The following PRDX5 variants were observed in gnomAD, a reference collection of about 807,000 sequenced individuals.
The protein encoded by PRDX5 is peroxiredoxin-5, mitochondrial.
A neutral mutation model predicts 23.8 loss-of-function variants in PRDX5; 21 were observed. The observed-to-expected ratio is 0.88, with a 90% CI of 0.63 to 1.27. PRDX5 has a LOEUF of 1.27. Ranked by LOEUF, PRDX5 falls within the 50% of genes most tolerant of loss-of-function variation. The pLI, the probability that PRDX5 is intolerant of heterozygous loss-of-function variation, is 0.00. For missense variants in PRDX5, 261 were observed against 270.6 expected (o/e 0.96, Z 0.25); for synonymous variants, 111 against 113.3 (o/e 0.98, Z 0.13).
At position 64,321,769 on chromosome 11, in the gene PRDX5, T is replaced by C; in HGVS notation, c.*78T>C. 1 of 1,458,972 alleles carries C rather than the reference T, an allele frequency of 6.9e-7. No homozygotes were observed. Among genetic ancestry groups the C allele is most frequent in the African/African-American group, 1.4e-5 (1 of 70,156 alleles). 90.4% of individuals were successfully genotyped at this position (1,458,972 alleles called of 1,614,324 possible). A position where few individuals can be genotyped will look rare whatever the true frequency, so the allele number is the denominator to read the frequency against. On this transcript the variant is annotated 3_prime_UTR_variant, in exon 6 of 6. Coordinates refer to ENST00000265462, the MANE Select transcript of PRDX5 (RefSeq NM_012094.5). ...CTGTGCTGGGGCCCTGCAATTGGAATGTTGGCCAGATTTCTGCAATAAACA... is the reference window on the plus strand; with the variant it reads ...CTGTGCTGGGGCCCTGCAATTGGAACGTTGGCCAGATTTCTGCAATAAACA...
In PRDX5 at chr11:64,321,744, C is replaced by G. The variant is rs1047206; in HGVS notation, c.*53C>G. ...CCCTCCCTATCTCACCTGCCCAGCC[C>G]TGTGCTGGGGCCCTGCAATTGGAAT... On this transcript the variant is annotated 3_prime_UTR_variant, in exon 6 of 6. Coordinates refer to ENST00000265462, the MANE Select transcript of PRDX5 (RefSeq NM_012094.5). 225,131 of 1,515,182 alleles carry G rather than the reference C, an allele frequency of 0.15. 17,688 individuals are homozygous for G. Among genetic ancestry groups the G allele is most frequent in the Middle Eastern group, 0.17 (723 of 4,198 alleles). 93.9% of individuals were successfully genotyped at this position (1,515,182 alleles called of 1,614,324 possible).
In PRDX5 at chr11:64,320,006, G is replaced by A. The variant is rs970845734; in HGVS notation, c.306+138G>A. ...CAAGTAGAGCTGGGTAGAGCTGGGC[G>A]CGGTGGCTCACGCCTGTAATCCCAG... On this transcript the variant is annotated intron_variant, in intron 2 of 5. Coordinates refer to ENST00000265462, the MANE Select transcript of PRDX5 (RefSeq NM_012094.5). The A allele has an allele frequency of 3.4e-5, 44 of 1,294,544 alleles. No homozygotes were observed. In the African/African-American group the frequency reaches 5.7e-4, roughly 17 times the overall value. 80.2% of individuals were successfully genotyped at this position (1,294,544 alleles called of 1,614,324 possible).
In PRDX5 at chr11:64,320,642, C is replaced by T; in HGVS notation, c.307-19C>T. 1 of 1,570,748 alleles carries T rather than the reference C, an allele frequency of 6.4e-7. No homozygotes were observed. Among genetic ancestry groups the T allele is most frequent in the South Asian group, 1.2e-5 (1 of 84,870 alleles). ...AGATGCAGTTATCCCTTTGCCGACC[C>T]TTTGTTCCCCTTCCTCAGACACACC... On this transcript the variant is annotated intron_variant, in intron 2 of 5. Transcript: ENST00000265462.
Position 64,321,108 on chromosome 11 carries a change from GGA to G in PRDX5, c.539+46_539+47del, listed in dbSNP as rs761557641. 10 of 1,560,476 alleles carry G rather than the reference GGA, an allele frequency of 6.4e-6. No homozygotes were observed. The Admixed American group carries it at 1.0e-4, about 16-fold the overall frequency. On this transcript the variant is annotated intron_variant, in intron 5 of 5. Transcript: ENST00000265462. ...TCCTCTGTGGAGAGAGTCCTCTGTGGGAGAGAGTCCTCTGTGGGAGAGAGTCC... is the reference window on the plus strand; with the variant it reads ...TCCTCTGTGGAGAGAGTCCTCTGTGGGAGAGTCCTCTGTGGGAGAGAGTCC...
Position 64,319,865 on chromosome 11 carries a change from C to T in PRDX5, c.303C>T (p.Ser101=), listed in dbSNP as rs760330112. 1 of 1,613,960 alleles carries T rather than the reference C, an allele frequency of 6.2e-7. No homozygotes were observed. The highest frequency in any genetic ancestry group is 8.5e-7 in the Non-Finnish European group (1 of 1,179,908). ...CTGGGGCCTTCACCCCTGGATGTTC[C>T]AAGGTGAGGCCCTTCCCCTTCTGAA... ...GVPGAFTPGC[S]KTHLPGFVEQ... is the part of the protein sequence containing the mutation. Residue 101 remains serine (S), a synonymous_variant, in exon 2 of 6, where the codon TCC becomes TCT. Coordinates refer to ENST00000265462, the MANE Select transcript of PRDX5 (RefSeq NM_012094.5).
chr11:64,318,179 A>C lies in PRDX5; in HGVS notation c.-37A>C. ...GTGCCCCGCCTGCTGCGGTGGCACC[A>C]GCCAGGAGGCGGAGTGGAAGTGGCC... On this transcript the variant is annotated 5_prime_UTR_variant, in exon 1 of 6. Transcript: ENST00000265462. The C allele has an allele frequency of 6.2e-7, 1 of 1,609,130 alleles. No individual in the cohort carries two copies. Among genetic ancestry groups the C allele is most frequent in the Middle Eastern group, 2.3e-4 (1 of 4,422 alleles).
chr11:64,318,883 A>C (rs1361274633), intron 1 of PRDX5, among the ~76,000 whole-genome samples: 1 of 115,644 alleles, frequency 8.6e-6, no homozygotes, highest in Non-Finnish European at 1.6e-5. Context: ...TGCTAGGATT[A>C]CAGGTGTGAG....
intron 1 of PRDX5, 32 bp downstream of exon 1, chr11:64,318,418 C>T (rs529087378): frequency 4.4e-6 from 7 of 1,579,644 alleles, no homozygotes; most frequent in African/African-American, 1.4e-5. Context: ...CCTGACATCC[C>T]CCACTACCCC....
At chr11:64,319,711 T>C (rs926611780) in intron 1 of PRDX5, 23 bp from the exon 2 acceptor site, 27 of 1,608,804 alleles carry the variant, frequency 1.7e-5, no homozygotes, top group Admixed American at 3.4e-5. Flanking sequence ...TCACCCCCCT[T>C]ACCCTGGAGT....
In PRDX5 at chr11:64,321,077, G is replaced by GGAGTGGAGAGAGTCCTCTGTGGGA. The variant is rs2035484099; in HGVS notation, c.539+12_539+13insTGGAGAGAGTCCTCTGTGGGAGAG. ...AATCGACGTCTCAAGAGGTAAAAGT[G>GGAGTGGAGAGAGTCCTCTGTGGGA]GAGAGTCCTCTGTGGAGAGAGTCCT... is the stretch of plus-strand genomic sequence containing the variant. On this transcript the variant is annotated intron_variant, in intron 5 of 5. Transcript: ENST00000265462. 1.2e-6 allele frequency: 2 copies of GGAGTGGAGAGAGTCCTCTGTGGGA among 1,611,608 alleles called. No individual in the cohort carries two copies. Among genetic ancestry groups the GGAGTGGAGAGAGTCCTCTGTGGGA allele is most frequent in the Non-Finnish European group, 1.7e-6 (2 of 1,178,582 alleles).
intron 1 of PRDX5, among the ~76,000 whole-genome samples, chr11:64,318,609 GTTT>G (rs926670734): frequency 6.6e-6 from 1 of 150,850 alleles, no homozygotes; most frequent in African/African-American, 2.4e-5. Flanking sequence ...TTTGTTTTTT[GTTT>G]TTTTTTGAGA....
rs371507976 is a variant in PRDX5, at chr11:64,318,264, C to A, written c.49C>A (p.Leu17Ile). 165 of 1,612,300 alleles carry A rather than the reference C, an allele frequency of 1.0e-4. No individual in the cohort carries two copies. The highest frequency in any genetic ancestry group is 1.2e-4 in the Non-Finnish European group (145 of 1,179,930). ...CALRRSAGYI[L>I]VGGAGGQSAA... Reference sequence around the variant, plus strand: ...CCTGAGACGCTCAGCGGGCTATATACTCGTCGGTGGGGCCGGCGGTCAGTC... The same window carrying A: ...CCTGAGACGCTCAGCGGGCTATATAATCGTCGGTGGGGCCGGCGGTCAGTC... The change falls in exon 1 of 6, where the codon CTC becomes ATC. Residue 17 changes from leucine (L) to isoleucine (I), a missense_variant. Leu to Ile is a conservative substitution (Grantham distance 5). Transcript: ENST00000265462.
chr11:64,320,056 G>C (rs181562505), intron 2 of PRDX5, among the ~76,000 whole-genome samples, 188 bp downstream of exon 2: 2 of 152,152 alleles, frequency 1.3e-5, no homozygotes, highest in African/African-American at 4.8e-5. Flanking sequence ...AAGGCGGGTG[G>C]ATCACGAGGT....
intron 1 of PRDX5, 117 bp from the exon 2 acceptor site, chr11:64,319,617 C>G (rs562700101): frequency 7.6e-6 from 10 of 1,323,558 alleles, no homozygotes; most frequent in African/African-American, 5.9e-5. Flanking sequence ...CTGGAGTATC[C>G]TGCTGGGTTT....
At chr11:64,319,065 C>T (rs943604111) in intron 1 of PRDX5, among the ~76,000 whole-genome samples, 2 of 151,914 alleles carry the variant, frequency 1.3e-5, no homozygotes, top group African/African-American at 2.4e-5. Context: ...GACCTTCCCC[C>T]TTCTCCTCCC....
Sources: allele counts gnomAD v4.1 joint callset (sites outside exome capture counted in the v4.1 genomes callset), GRCh38; gene constraint gnomAD v4.1.1; transcripts MANE v1.5; gene names NCBI Gene and HGNC (gene_info 2026-07-23, HGNC 2026-07-21).